Variants in NIN observed in about 807,000 individuals in gnomAD.
NIN encodes the protein ninein.
Under a neutral mutation model 257.6 loss-of-function variants are expected in NIN, and 137 were observed. The ratio of observed to expected loss-of-function variants is 0.53; its 90% CI spans 0.46 to 0.61. NIN has a LOEUF of 0.61. Ranked by LOEUF, NIN falls within the 20% of genes least tolerant of loss-of-function variation. The pLI is 0.00. For missense variants in NIN, 2,439 were observed against 2,501.2 expected (o/e 0.98, Z 0.53); for synonymous variants, 918 against 919.8 (o/e 1.00, Z 0.04).
intron 30 of NIN, chr14:50,723,916 T>A (rs1160941843): frequency 4.7e-6 from 2 of 422,732 alleles, no homozygotes; most frequent in East Asian, 4.1e-5. Flanking sequence ...TAGAACAGAT[T>A]GATATTAGAT....
At chr14:50,768,305 A>C (rs565111367) in intron 12 of NIN, among the ~76,000 whole-genome samples, 9 of 152,208 alleles carry the variant, frequency 5.9e-5, no homozygotes, top group Admixed American at 1.3e-4. Context: ...CCAATTCTGT[A>C]ACATTAATCT....
At chr14:50,798,863 C>T (rs945662085) in intron 4 of NIN, among the ~76,000 whole-genome samples, 2 of 152,206 alleles carry the variant, frequency 1.3e-5, no homozygotes, top group African/African-American at 2.4e-5. Flanking sequence ...ACTGCAAACT[C>T]CACCTCCCAG....
rs767620139 is a variant in NIN, at chr14:50,761,853, A to G, written c.1833T>C (p.Ile611=). 1 of 1,614,164 alleles carries G rather than the reference A, an allele frequency of 6.2e-7. No individual in the cohort carries two copies. Among genetic ancestry groups the G allele is most frequent in the Non-Finnish European group, 8.5e-7 (1 of 1,180,014 alleles). The change falls in exon 16 of 31, where the codon ATT becomes ATC. Residue 611 remains isoleucine (I), a synonymous_variant. Coordinates refer to ENST00000530997, the MANE Select transcript of NIN (RefSeq NM_020921.4). ...LNMSIEAELV[I]EQMKEQHHRD... is the part of the protein sequence containing the mutation. ...TGTGATGTTGTTCTTTCATCTGTTC[A>G]ATGACCAGCTCTGCCTCAATGCTCA...
At chr14:50,784,732 G>A (rs2043271301) in intron 5 of NIN, among the ~76,000 whole-genome samples, 1 of 152,206 alleles carries the variant, frequency 6.6e-6, no homozygotes, top group Non-Finnish European at 1.5e-5. Flanking sequence ...CATAACTTTT[G>A]TAATTATACC....
Position 50,829,610 on chromosome 14 carries a change from TC to T in NIN, c.-22+853del, listed in dbSNP as rs548349103. ...GGAGTTGAGCTGTATGGCAAGCCCA[TC>T]TTAGAAGTCCTCAACACCAGGAGAG... On this transcript the variant is annotated intron_variant, in intron 2 of 30. Coordinates refer to ENST00000530997, the MANE Select transcript of NIN (RefSeq NM_020921.4). Among the ~76,000 whole-genome samples, 98 of 152,308 alleles carry T rather than the reference TC, an allele frequency of 6.4e-4. 1 individual carries two copies. The highest frequency in any genetic ancestry group is 5.0e-3 in the South Asian group (24 of 4,830).
chr14:50,783,141 A>C (rs1214667364), intron 5 of NIN, among the ~76,000 whole-genome samples: 1 of 151,426 alleles, frequency 6.6e-6, no homozygotes, highest in Non-Finnish European at 1.5e-5. Context: ...TGCAGCCTCA[A>C]CCTCCCACGC....
intron 29 of NIN, 198 bp from the exon 30 acceptor site, chr14:50,726,264 T>TC: frequency 6.0e-6 from 3 of 500,228 alleles, no homozygotes; most frequent in Non-Finnish European, 1.1e-5. Context: ...AGATAAAGGA[T>TC]CAGACTGAAA....
intron 12 of NIN, among the ~76,000 whole-genome samples, chr14:50,769,419 T>C (rs1289822632): frequency 6.6e-6 from 1 of 152,152 alleles, no homozygotes; most frequent in African/African-American, 2.4e-5. Context: ...CAAGGCACAT[T>C]TGGAGGCCGA....
Position 50,739,383 on chromosome 14 carries a change from C to T in NIN, c.5553G>A (p.Leu1851=). The T allele has an allele frequency of 6.2e-7, 1 of 1,614,254 alleles. No homozygotes were observed. The highest frequency in any genetic ancestry group is 8.5e-7 in the Non-Finnish European group (1 of 1,180,042). The change falls in exon 26 of 31, where the codon CTG becomes CTA. Residue 1851 remains leucine (L), a synonymous_variant. Transcript: ENST00000530997. Reference sequence around the variant, plus strand: ...GGAGCCTCTCATTCTCTTGCCAAAGCAGCTGCTGTTCCTCATTCATCAGAT... The same window carrying T: ...GGAGCCTCTCATTCTCTTGCCAAAGTAGCTGCTGTTCCTCATTCATCAGAT... ...LDHLMNEEQQ[L]LWQENERLQT... is the part of the protein sequence containing the mutation.
intron 28 of NIN, among the ~76,000 whole-genome samples, chr14:50,733,511 A>G (rs1232159378): frequency 2.0e-5 from 3 of 152,226 alleles, no homozygotes; most frequent in African/African-American, 7.2e-5. Context: ...TCCAGTGTCA[A>G]GAACACTCAA....
chr14:50,782,148 A>G (rs1478111619), intron 5 of NIN, among the ~76,000 whole-genome samples: 2 of 152,232 alleles, frequency 1.3e-5, no homozygotes, highest in Non-Finnish European at 2.9e-5. Context: ...CATCAAGGTT[A>G]TGATTTAAAA....
intron 5 of NIN, among the ~76,000 whole-genome samples, chr14:50,782,815 G>A (rs1379553562): frequency 2.0e-5 from 3 of 152,134 alleles, no homozygotes; most frequent in Admixed American, 6.5e-5. Flanking sequence ...CAGATGAGGC[G>A]GTTTGGTGGG....
chr14:50,726,206 A>T (rs1451483280), intron 29 of NIN, 140 bp from the exon 30 acceptor site: 1 of 655,932 alleles, frequency 1.5e-6, no homozygotes, highest in Non-Finnish European at 2.6e-6. Context: ...ATGAAATGAG[A>T]GTTTTGAGCC....
chr14:50,797,452 T>A (rs934924765), intron 4 of NIN, among the ~76,000 whole-genome samples: 2 of 152,142 alleles, frequency 1.3e-5, no homozygotes, highest in Non-Finnish European at 2.9e-5. Context: ...TCATGTTACA[T>A]TGCTGCTGAG....
chr14:50,733,308 G>A (rs1357190476), intron 28 of NIN, among the ~76,000 whole-genome samples: 1 of 152,028 alleles, frequency 6.6e-6, no homozygotes, highest in African/African-American at 2.4e-5. Flanking sequence ...GGTCACGCTG[G>A]TCTCGAACTC....
chr14:50,831,480 G>A (rs914795593), upstream of NIN, among the ~76,000 whole-genome samples: 1 of 152,216 alleles, frequency 6.6e-6, no homozygotes, highest in African/African-American at 2.4e-5. Context: ...CACTCGGGCC[G>A]CAGCGTCTTC....
At chr14:50,734,605 G>T (rs751259876) in intron 28 of NIN, among the ~76,000 whole-genome samples, 1 of 152,026 alleles carries the variant, frequency 6.6e-6, no homozygotes, top group Non-Finnish European at 1.5e-5. Flanking sequence ...AATTAAACTC[G>T]GTATTCAGAA....
At position 50,720,281 on chromosome 14, in the gene NIN, CTAT is replaced by C. The variant is rs892031289; in HGVS notation, c.*3179_*3181del. On this transcript the variant is annotated 3_prime_UTR_variant, in exon 31 of 31. Coordinates refer to ENST00000530997, the MANE Select transcript of NIN (RefSeq NM_020921.4). Reference sequence around the variant, plus strand: ...CATTCAAAACATGACTTGCTTAATACTATCACAAAGCACTTAGCCTTGCCTTGA... The same window carrying C: ...CATTCAAAACATGACTTGCTTAATACCACAAAGCACTTAGCCTTGCCTTGA... The C allele has an allele frequency of 4.5e-6, 1 of 221,710 alleles. No individual in the cohort carries two copies. Among genetic ancestry groups the C allele is most frequent in the African/African-American group, 2.2e-5 (1 of 44,690 alleles). 13.7% of individuals were successfully genotyped at this position (221,710 alleles called of 1,614,324 possible). A position where few individuals can be genotyped will look rare whatever the true frequency, so the allele number is the denominator to read the frequency against.
At chr14:50,777,201 T>C (rs2042957190) in intron 6 of NIN, 62 bp from the exon 7 acceptor site, 1 of 1,314,324 alleles carries the variant, frequency 7.6e-7, no homozygotes, top group East Asian at 2.4e-5. Flanking sequence ...GTGCCTATTC[T>C]TAAAGAAAAC....
Sources: allele counts gnomAD v4.1 joint callset (sites outside exome capture counted in the v4.1 genomes callset), GRCh38; gene constraint gnomAD v4.1.1; transcripts MANE v1.5; gene names NCBI Gene and HGNC (gene_info 2026-07-23, HGNC 2026-07-21).